DIAPH3: variants seen among roughly 807,000 people sequenced by gnomAD.
The protein encoded by DIAPH3 is protein diaphanous homolog 3.
Under a neutral mutation model 144.3 loss-of-function variants are expected in DIAPH3, and 117 were observed. That is an observed-to-expected ratio of 0.81 (90% CI 0.70 to 0.95). The LOEUF is 0.95. Ranked by LOEUF, DIAPH3 falls within the 40% of genes least tolerant of loss-of-function variation. The pLI is 0.00. For synonymous variants in DIAPH3, 519 were observed against 488.9 expected, an observed-to-expected ratio of 1.06 and a Z score of -0.81; for missense variants, 1,421 against 1,412.7, an observed-to-expected ratio of 1.01 and a Z score of -0.09.
At chr13:59,974,311 T>C (rs1266106796) in intron 15 of DIAPH3, 41 bp downstream of exon 15, 2 of 1,452,728 alleles carry the variant, frequency 1.4e-6, no homozygotes, top group Non-Finnish European at 1.9e-6. Flanking sequence ...GCTCCCTCAC[T>C]GTGTTTTTAA....
At chr13:60,157,553 T>C (rs908244882) in intron 1 of DIAPH3, among the ~76,000 whole-genome samples, 5 of 152,224 alleles carry the variant, frequency 3.3e-5, no homozygotes, top group Middle Eastern at 3.2e-3. Flanking sequence ...TTAAAATCCT[T>C]GTCTATTAAT....
chr13:59,890,531 TGTTGATGTCAAC>T (rs1420370241), intron 20 of DIAPH3, among the ~76,000 whole-genome samples: 2 of 152,040 alleles, frequency 1.3e-5, no homozygotes, highest in African/African-American at 4.8e-5. Context: ...AGTTTTCTGA[TGTTGATGTCAAC>T]GTAATTTTTA....
chr13:59,757,823 T>A (rs1593769225), intron 27 of DIAPH3, among the ~76,000 whole-genome samples: 1 of 152,150 alleles, frequency 6.6e-6, no homozygotes, highest in African/African-American at 2.4e-5. Flanking sequence ...TGTGATAAAA[T>A]TGCATCAAAA....
At chr13:60,118,087 G>A (rs1271230349) in intron 2 of DIAPH3, among the ~76,000 whole-genome samples, 2 of 152,096 alleles carry the variant, frequency 1.3e-5, no homozygotes, top group Non-Finnish European at 2.9e-5. Context: ...GACTGTGTCT[G>A]GGGTACACTA....
chr13:59,714,850 A>G (rs1231797956), intron 27 of DIAPH3, among the ~76,000 whole-genome samples: 1 of 152,096 alleles, frequency 6.6e-6, no homozygotes, highest in Non-Finnish European at 1.5e-5. Flanking sequence ...TTCTAGTGTG[A>G]ATCATACAGC....
chr13:60,096,995 C>A (rs1446851417), intron 3 of DIAPH3, among the ~76,000 whole-genome samples: 1 of 152,174 alleles, frequency 6.6e-6, no homozygotes, highest in African/African-American at 2.4e-5. Context: ...CTCATATAGA[C>A]AGGCAGGCAT....
At chr13:59,783,054 G>T (rs909952586) in intron 25 of DIAPH3, among the ~76,000 whole-genome samples, 1 of 152,096 alleles carries the variant, frequency 6.6e-6, no homozygotes, top group Non-Finnish European at 1.5e-5. Context: ...AAGTAACATG[G>T]TCAAATTTCT....
At chr13:59,796,682 T>C (rs1344462203) in intron 25 of DIAPH3, among the ~76,000 whole-genome samples, 1 of 152,236 alleles carries the variant, frequency 6.6e-6, no homozygotes, top group Admixed American at 6.5e-5. Flanking sequence ...TGATCCATAT[T>C]GTGGGCAAAC....
At chr13:60,015,343 C>T (rs1224653404) in intron 7 of DIAPH3, among the ~76,000 whole-genome samples, 2 of 152,074 alleles carry the variant, frequency 1.3e-5, no homozygotes, top group Admixed American at 6.6e-5. Context: ...CTCCATATTA[C>T]GTTTATTCTC....
chr13:60,125,581 C>A (rs1184879611), intron 2 of DIAPH3, among the ~76,000 whole-genome samples: 1 of 151,854 alleles, frequency 6.6e-6, no homozygotes, highest in African/African-American at 2.4e-5. Flanking sequence ...AGTAAATTCT[C>A]CAGCATCTTA....
At chr13:59,785,968 T>C (rs2139365927) in intron 25 of DIAPH3, among the ~76,000 whole-genome samples, 1 of 152,316 alleles carries the variant, frequency 6.6e-6, no homozygotes, top group Non-Finnish European at 1.5e-5. Context: ...GCATCCATCT[T>C]ATACTTAGGA....
intron 22 of DIAPH3, among the ~76,000 whole-genome samples, chr13:59,853,913 T>C (rs2043119077): frequency 6.6e-6 from 1 of 152,148 alleles, no homozygotes; most frequent in African/African-American, 2.4e-5. Flanking sequence ...CTCCATGCAG[T>C]TATAGGACTT....
At chr13:59,773,413 A>G (rs1396952638) in intron 27 of DIAPH3, among the ~76,000 whole-genome samples, 1 of 152,168 alleles carries the variant, frequency 6.6e-6, no homozygotes, top group Non-Finnish European at 1.5e-5. Context: ...CTCATACAAA[A>G]TCTGTCAAGT....
intron 27 of DIAPH3, among the ~76,000 whole-genome samples, chr13:59,762,071 T>A (rs2037626164): frequency 9.1e-6 from 1 of 110,378 alleles, no homozygotes; most frequent in African/African-American, 4.0e-5. Context: ...TTTTTTTTTT[T>A]TTTTTTTTTA....
intron 20 of DIAPH3, among the ~76,000 whole-genome samples, chr13:59,884,607 G>A (rs1018459311): frequency 6.6e-6 from 1 of 152,062 alleles, no homozygotes; most frequent in African/African-American, 2.4e-5. Context: ...AAAATACTTT[G>A]AGAAAGTAAT....
chr13:59,911,044 A>C (rs536272160), intron 20 of DIAPH3, among the ~76,000 whole-genome samples: 1 of 152,200 alleles, frequency 6.6e-6, no homozygotes, highest in East Asian at 1.9e-4. Flanking sequence ...AAAAATAAAC[A>C]ATCTTATTAG....
intron 27 of DIAPH3, among the ~76,000 whole-genome samples, chr13:59,765,014 G>A (rs2037797912): frequency 6.6e-6 from 1 of 151,936 alleles, no homozygotes; most frequent in Non-Finnish European, 1.5e-5. Context: ...ATATCTTGAT[G>A]TCACAGGTGC....
Position 59,777,420 on chromosome 13 carries a change from G to T in DIAPH3, c.3164-2597C>A, listed in dbSNP as rs553297720. Among the ~76,000 whole-genome samples, 15 of 152,256 alleles carry T rather than the reference G, an allele frequency of 9.9e-5. 1 individual carries two copies. The South Asian group carries it at 2.5e-3, about 25-fold the overall frequency. ...CTTTAAAGAACAGTGTCAACTAATA[G>T]ATGTCAAAGATATGAGGGAACTACA... On this transcript the variant is annotated intron_variant, in intron 25 of 27. Coordinates refer to ENST00000400324, the MANE Select transcript of DIAPH3 (RefSeq NM_001042517.2).
At chr13:59,992,846 G>GAAAAAAAAAAA in intron 9 of DIAPH3, among the ~76,000 whole-genome samples, 1 of 70,058 alleles carries the variant, frequency 1.4e-5, no homozygotes, top group Non-Finnish European at 3.3e-5. Context: ...TAAAAAAATA[G>GAAAAAAAAAAA]AAAAAAAAAA....
Sources: allele counts gnomAD v4.1 joint callset (sites outside exome capture counted in the v4.1 genomes callset), GRCh38; gene constraint gnomAD v4.1.1; transcripts MANE v1.5; gene names NCBI Gene and HGNC (gene_info 2026-07-23, HGNC 2026-07-21).